Variants in FGF14 observed in about 807,000 individuals in gnomAD.
FGF14 encodes the protein fibroblast growth factor 14.
In FGF14, 5 loss-of-function variants were observed where a neutral mutation model predicts 25.5. The observed-to-expected ratio is 0.20, with a 90% confidence interval of 0.10 to 0.41. The LOEUF is 0.41. Ranked by LOEUF, FGF14 falls within the 10% of genes least tolerant of loss-of-function variation. The pLI, the probability that FGF14 is intolerant of heterozygous loss-of-function variation, is 1.00. For missense variants in FGF14, 222 were observed against 320.1 expected (o/e 0.69, Z 2.34); for synonymous variants, 138 against 118.3 (o/e 1.17, Z -1.08).
chr13:101,953,886 G>A (rs892725376), intron 1 of FGF14, among the ~76,000 whole-genome samples: 4 of 151,934 alleles, frequency 2.6e-5, no homozygotes, highest in Admixed American at 1.3e-4. Flanking sequence ...CACCGTGCCC[G>A]GCCAGCTTTC....
At chr13:102,210,804 G>A (rs2050125582) in intron 1 of FGF14, among the ~76,000 whole-genome samples, 1 of 152,202 alleles carries the variant, frequency 6.6e-6, no homozygotes, top group South Asian at 2.1e-4. Context: ...ATTGGAAAAT[G>A]AGGGGGTTTC....
chr13:102,199,519 G>A (rs2049516690), intron 1 of FGF14, among the ~76,000 whole-genome samples: 1 of 152,158 alleles, frequency 6.6e-6, no homozygotes, highest in Admixed American at 6.5e-5. Flanking sequence ...TAGTCATGGA[G>A]CCAGAAACCC....
intron 1 of FGF14, among the ~76,000 whole-genome samples, chr13:102,209,733 A>T (rs895112518): frequency 6.6e-6 from 1 of 152,216 alleles, no homozygotes; most frequent in Non-Finnish European, 1.5e-5. Context: ...ACCAATTGCA[A>T]TTTCAAGCTA....
At chr13:102,160,238 G>A (rs957261539) in intron 1 of FGF14, among the ~76,000 whole-genome samples, 7 of 152,188 alleles carry the variant, frequency 4.6e-5, no homozygotes, top group African/African-American at 1.4e-4. Flanking sequence ...CATCCTCCAC[G>A]CTTCCTCAGA....
chr13:102,077,238 A>G (rs2043406165), intron 1 of FGF14, among the ~76,000 whole-genome samples: 1 of 152,182 alleles, frequency 6.6e-6, no homozygotes, highest in Non-Finnish European at 1.5e-5. Flanking sequence ...TGCTCCGGGC[A>G]ATAACATTTT....
At chr13:102,318,793 G>A (rs1424617491) in intron 1 of FGF14, among the ~76,000 whole-genome samples, 1 of 152,136 alleles carries the variant, frequency 6.6e-6, no homozygotes, top group East Asian at 1.9e-4. Flanking sequence ...TAAATTTGAG[G>A]GGGGCACGTT....
Position 102,186,674 on chromosome 13 carries a change from G to C in FGF14, c.208+214797C>G, listed in dbSNP as rs77446242. On this transcript the variant is annotated intron_variant, in intron 1 of 4. Coordinates refer to the FGF14 transcript ENST00000376131. Reference sequence around the variant, plus strand: ...GTCTATTCCAACTTTTGTAAAATCAGTGGTATGATACATGTTTAAGTTATA... The same window carrying C: ...GTCTATTCCAACTTTTGTAAAATCACTGGTATGATACATGTTTAAGTTATA... Among the ~76,000 whole-genome samples, 1,228 of 152,118 alleles carry C rather than the reference G, an allele frequency of 8.1e-3. 15 individuals carry two copies. The highest frequency in any genetic ancestry group is 0.027 in the African/African-American group (1,134 of 41,450).
intron 3 of FGF14, among the ~76,000 whole-genome samples, chr13:101,751,211 A>T (rs1231905101): frequency 1.3e-5 from 2 of 152,162 alleles, no homozygotes; most frequent in Non-Finnish European, 2.9e-5. Context: ...AGCTAATATT[A>T]ATTTATCAAT....
chr13:102,374,163 G>A (rs924613734), intron 1 of FGF14, among the ~76,000 whole-genome samples: 7 of 151,970 alleles, frequency 4.6e-5, no homozygotes, highest in South Asian at 2.1e-4. Flanking sequence ...GGAATACATC[G>A]TTACAGTCAT....
intron 1 of FGF14, among the ~76,000 whole-genome samples, chr13:101,911,613 T>G (rs151142396): frequency 6.6e-6 from 1 of 152,136 alleles, no homozygotes; most frequent in African/African-American, 2.4e-5. Context: ...GTCTCTAACA[T>G]TATTTCATTG....
chr13:101,861,503 A>C (rs1267112822), intron 3 of FGF14, among the ~76,000 whole-genome samples: 1 of 151,980 alleles, frequency 6.6e-6, no homozygotes, highest in African/African-American at 2.4e-5. Context: ...ACTTTTAAAT[A>C]TCTCTGATTT....
intron 1 of FGF14, among the ~76,000 whole-genome samples, chr13:102,182,079 C>A (rs60635360): frequency 0.014 from 2,174 of 152,214 alleles, 54 homozygotes; most frequent in African/African-American, 0.05. Context: ...CTGGACCCTG[C>A]ATTGTGAAAT....
At chr13:101,959,445 C>G (rs1202760806) in intron 1 of FGF14, among the ~76,000 whole-genome samples, 1 of 152,164 alleles carries the variant, frequency 6.6e-6, no homozygotes, top group Non-Finnish European at 1.5e-5. Flanking sequence ...AAAGCATTAA[C>G]AATTCAGTGT....
chr13:101,996,402 C>T (rs2039189148), intron 1 of FGF14, among the ~76,000 whole-genome samples: 1 of 151,956 alleles, frequency 6.6e-6, no homozygotes, highest in Admixed American at 6.6e-5. Flanking sequence ...AAATGGATGA[C>T]TTACAGAATG....
chr13:101,982,086 A>AG (rs1167932437), intron 1 of FGF14, among the ~76,000 whole-genome samples: 1 of 152,232 alleles, frequency 6.6e-6, no homozygotes, highest in Non-Finnish European at 1.5e-5. Flanking sequence ...GGGTCACCAT[A>AG]AAATTTGACA....
chr13:101,821,819 G>A (rs1028943092), intron 3 of FGF14, among the ~76,000 whole-genome samples: 1 of 152,124 alleles, frequency 6.6e-6, no homozygotes, highest in East Asian at 1.9e-4. Flanking sequence ...GGCTATCTGT[G>A]TATCTTCTTT....
At chr13:102,363,795 C>A (rs1447523532) in intron 1 of FGF14, among the ~76,000 whole-genome samples, 2 of 152,182 alleles carry the variant, frequency 1.3e-5, no homozygotes, top group Non-Finnish European at 2.9e-5. Flanking sequence ...TATCTGTCTT[C>A]CACAAATGTA....
intron 1 of FGF14, among the ~76,000 whole-genome samples, chr13:102,034,204 C>T (rs16959646): frequency 0.039 from 6,002 of 152,102 alleles, 388 homozygotes; most frequent in African/African-American, 0.13. Context: ...CCCAGGACTC[C>T]GGGATACAAC....
intron 3 of FGF14, among the ~76,000 whole-genome samples, chr13:101,848,443 A>G (rs1373057618): frequency 6.6e-6 from 1 of 152,086 alleles, no homozygotes; most frequent in Non-Finnish European, 1.5e-5. Context: ...GTGTAATGTA[A>G]TAATTTAGTA....
Sources: allele counts gnomAD v4.1 joint callset (sites outside exome capture counted in the v4.1 genomes callset), GRCh38; gene constraint gnomAD v4.1.1; transcripts MANE v1.5; gene names NCBI Gene and HGNC (gene_info 2026-07-23, HGNC 2026-07-21).